AXDND1: variants seen among roughly 807,000 people sequenced by gnomAD.
AXDND1 encodes axonemal dynein light chain domain-containing protein 1.
In AXDND1, 110 loss-of-function variants were observed where a neutral mutation model predicts 137.5. The observed-to-expected ratio is 0.80, with a 90% CI of 0.69 to 0.94. The LOEUF (loss-of-function observed/expected upper bound fraction) is 0.94, where lower values mean the gene tolerates loss of function less well. Ranked by LOEUF, AXDND1 falls within the 40% of genes least tolerant of loss-of-function variation. The pLI is 0.00. For synonymous variants in AXDND1, 414 were observed against 399.7 expected (o/e 1.04, Z -0.43); for missense variants, 1,191 against 1,169.8 (o/e 1.02, Z -0.26).
At position 179,513,563 on chromosome 1, in the gene AXDND1, G is replaced by T. The variant is rs530365061; in HGVS notation, c.2496+4160G>T. On this transcript the variant is annotated intron_variant, in intron 21 of 25. Transcript: ENST00000367618. ...GTCCTTTCCTGGTTTTGGTATTAGG[G>T]TGATTCTGCCTTCATAGAATGAATT... Among the ~76,000 whole-genome samples, 18 of 152,216 alleles carry T rather than the reference G, an allele frequency of 1.2e-4. No homozygotes were observed. In the South Asian group the frequency reaches 2.9e-3, roughly 25 times the overall value.
intron 25 of AXDND1, among the ~76,000 whole-genome samples, chr1:179,553,911 A>AT (rs1340671578): frequency 2.5e-5 from 3 of 119,724 alleles, no homozygotes; most frequent in Non-Finnish European, 4.9e-5. Flanking sequence ...ACCCCTGGCT[A>AT]ATTTTTTTTT....
At chr1:179,503,308 A>C (rs1221058613) in intron 20 of AXDND1, among the ~76,000 whole-genome samples, 13 of 151,988 alleles carry the variant, frequency 8.6e-5, no homozygotes, top group Non-Finnish European at 1.8e-4. Context: ...ACAGTTTTAT[A>C]ACTATTATAA....
At chr1:179,495,473 A>G (rs1213384372) in intron 20 of AXDND1, among the ~76,000 whole-genome samples, 1 of 152,084 alleles carries the variant, frequency 6.6e-6, no homozygotes, top group Non-Finnish European at 1.5e-5. Context: ...TATAATTACA[A>G]TTTCTGATTA....
In AXDND1 at chr1:179,542,395, T is replaced by C. The variant is rs1672255481; in HGVS notation, c.3031+7433T>C. 2.6e-5 allele frequency among the ~76,000 whole-genome samples: 4 copies of C among 152,266 alleles called. No homozygotes were observed. In the South Asian group the frequency reaches 8.3e-4, roughly 32 times the overall value. On this transcript the variant is annotated intron_variant, in intron 25 of 25. Transcript: ENST00000367618. ...GCCAACTGCTCGCAGCCCCTGGCCCTAGGTACAGGGACATTAACCCTATAG... is the reference window on the plus strand; with the variant it reads ...GCCAACTGCTCGCAGCCCCTGGCCCCAGGTACAGGGACATTAACCCTATAG...
At chr1:179,544,228 A>G (rs1023511270) in intron 25 of AXDND1, 1 of 152,246 alleles carries the variant, frequency 6.6e-6, no homozygotes, top group Non-Finnish European at 1.5e-5. Flanking sequence ...CGCATTAAAA[A>G]TAGCTTATGC....
In AXDND1 at chr1:179,430,454, C is replaced by T; in HGVS notation, c.1335C>T (p.Asp445=). 6 of 1,606,290 alleles carry T rather than the reference C, an allele frequency of 3.7e-6. No individual in the cohort carries two copies. The highest frequency in any genetic ancestry group is 5.1e-6 in the Non-Finnish European group (6 of 1,176,934). Residue 445 remains aspartate, a splice_region_variant and synonymous_variant, in exon 14 of 26, where the codon GAC becomes GAT. Coordinates refer to ENST00000367618, the MANE Select transcript of AXDND1 (RefSeq NM_144696.6). The part of the protein sequence containing the change: ...KHFIILLSNK[D]TEDLALLQKL... Reference sequence around the variant, plus strand: ...TTGATTCTATGCATTTTATATAGGACACTGAAGACCTTGCACTGTTGCAGA... The same window carrying T: ...TTGATTCTATGCATTTTATATAGGATACTGAAGACCTTGCACTGTTGCAGA...
chr1:179,418,661 T>C (rs79823530), intron 12 of AXDND1, among the ~76,000 whole-genome samples: 145,550 of 146,764 alleles, frequency 0.99, 72,180 homozygotes, highest in Non-Finnish European at 1. Context: ...GCTGGCCGGG[T>C]GGGGGGCCGA....
intron 9 of AXDND1, among the ~76,000 whole-genome samples, chr1:179,385,791 T>C (rs1649101404): frequency 6.6e-6 from 1 of 152,308 alleles, no homozygotes; most frequent in East Asian, 1.9e-4. Context: ...GGCTTAAGAT[T>C]GGATTGTTTG....
At chr1:179,518,856 G>T (rs903126257) in intron 21 of AXDND1, among the ~76,000 whole-genome samples, 5 of 152,120 alleles carry the variant, frequency 3.3e-5, no homozygotes, top group Non-Finnish European at 7.3e-5. Context: ...ACATATGCAT[G>T]CATGTGTCTT....
At chr1:179,422,722 G>A (rs1012322140) in intron 12 of AXDND1, among the ~76,000 whole-genome samples, 1 of 152,136 alleles carries the variant, frequency 6.6e-6, no homozygotes, top group South Asian at 2.1e-4. Flanking sequence ...ACTGAAAAGA[G>A]TGTTAAAATC....
At chr1:179,539,199 A>T (rs1387842444) in intron 25 of AXDND1, among the ~76,000 whole-genome samples, 1 of 152,182 alleles carries the variant, frequency 6.6e-6, no homozygotes, top group Non-Finnish European at 1.5e-5. Context: ...ATTTAAGGTG[A>T]ATATTGTTAT....
intron 15 of AXDND1, among the ~76,000 whole-genome samples, chr1:179,443,958 C>G (rs1326435800): frequency 7.3e-6 from 1 of 137,674 alleles, no homozygotes; most frequent in Non-Finnish European, 1.6e-5. Flanking sequence ...AAGATCCCAA[C>G]AAACCATTTT....
At chr1:179,510,343 C>A (rs1198474781) in intron 21 of AXDND1, among the ~76,000 whole-genome samples, 2 of 152,130 alleles carry the variant, frequency 1.3e-5, no homozygotes, top group African/African-American at 2.4e-5. Context: ...TGAAGAAGCT[C>A]CCATTGTTAT....
At position 179,479,839 on chromosome 1, in the gene AXDND1, G is replaced by A. The variant is rs1196036194; in HGVS notation, c.1998-3289G>A. 2.0e-5 allele frequency among the ~76,000 whole-genome samples: 3 copies of A among 152,150 alleles called. No individual in the cohort carries two copies. In the East Asian group the frequency reaches 5.8e-4, roughly 29 times the overall value. ...AGATATTCTAAATAATCTCTCTCAA[G>A]CTCATAGTTCCACAAATCTCTAAGA... is the stretch of plus-strand genomic sequence containing the variant. On this transcript the variant is annotated intron_variant, in intron 17 of 25. Transcript: ENST00000367618.
chr1:179,535,958 A>G (rs1394911460), intron 25 of AXDND1, among the ~76,000 whole-genome samples: 1 of 152,142 alleles, frequency 6.6e-6, no homozygotes, highest in African/African-American at 2.4e-5. Context: ...TTTGATTTGC[A>G]TTCTTTGATG....
At chr1:179,397,573 A>C (rs1249225659) in intron 11 of AXDND1, among the ~76,000 whole-genome samples, 1 of 152,188 alleles carries the variant, frequency 6.6e-6, no homozygotes, top group African/African-American at 2.4e-5. Context: ...ATACCCTAAA[A>C]TATGTTTTCC....
chr1:179,456,116 C>T (rs1175748791), intron 16 of AXDND1: 12 of 529,104 alleles, frequency 2.3e-5, no homozygotes, highest in South Asian at 1.5e-4. Flanking sequence ...CTTTGTAGCA[C>T]CTAGGCCCTG....
At chr1:179,505,921 C>T (rs1668498703) in intron 20 of AXDND1, among the ~76,000 whole-genome samples, 1 of 152,168 alleles carries the variant, frequency 6.6e-6, no homozygotes, top group South Asian at 2.1e-4. Context: ...TAGGAGGACT[C>T]AGTTCTGAGA....
intron 17 of AXDND1, among the ~76,000 whole-genome samples, chr1:179,472,143 C>T (rs2125496027): frequency 6.6e-6 from 1 of 152,356 alleles, no homozygotes; most frequent in South Asian, 2.1e-4. Context: ...GATCCACCCA[C>T]CTTGACCTCC....
Sources: allele counts gnomAD v4.1 joint callset (sites outside exome capture counted in the v4.1 genomes callset), GRCh38; gene constraint gnomAD v4.1.1; transcripts MANE v1.5; gene names NCBI Gene and HGNC (gene_info 2026-07-23, HGNC 2026-07-21).